The following C17orf67 variants were observed in gnomAD, a reference collection of about 807,000 sequenced individuals.
C17orf67 encodes chromosome 17 open reading frame 67.
In C17orf67, 12 loss-of-function variants were observed where a neutral mutation model predicts 11.2. The ratio of observed to expected loss-of-function variants is 1.07; its 90% confidence interval spans 0.68 to 1.73. The LOEUF (loss-of-function observed/expected upper bound fraction) is 1.73. Among genes scored for constraint, C17orf67 ranks in the 40% most tolerant of loss-of-function variants. The pLI is 0.00. For missense variants in C17orf67, 115 were observed against 113.5 expected (o/e 1.01, Z -0.06); for synonymous variants, 59 against 46.9 (o/e 1.26, Z -1.05).
At chr17:56,805,042 G>A (rs536594324) in intron 6 of C17orf67, among the ~76,000 whole-genome samples, 1 of 152,192 alleles carries the variant, frequency 6.6e-6, no homozygotes, top group Non-Finnish European at 1.5e-5. Context: ...ACTGTACGGT[G>A]CTTGGTGGTG....
chr17:56,798,684 A>T (rs201721019), intron 6 of C17orf67, among the ~76,000 whole-genome samples: 18,068 of 144,686 alleles, frequency 0.12, 1,179 homozygotes, highest in South Asian at 0.16. Flanking sequence ...AAAAAAAAAA[A>T]TAGCTAGATG....
chr17:56,801,625 G>T (rs1326030031), intron 6 of C17orf67, among the ~76,000 whole-genome samples: 1 of 152,164 alleles, frequency 6.6e-6, no homozygotes, highest in African/African-American at 2.4e-5. Flanking sequence ...CTGGCAGGGA[G>T]TCTCTGGGTC....
intron 6 of C17orf67, among the ~76,000 whole-genome samples, chr17:56,804,569 A>G (rs1178300024): frequency 6.6e-6 from 1 of 152,214 alleles, no homozygotes; most frequent in Non-Finnish European, 1.5e-5. Flanking sequence ...GAGTTACTAC[A>G]TACATTTGTC....
intron 6 of C17orf67, among the ~76,000 whole-genome samples, chr17:56,813,124 C>T (rs2144132467): frequency 6.6e-6 from 1 of 152,312 alleles, no homozygotes; most frequent in South Asian, 2.1e-4. Flanking sequence ...ACCAGCTCCC[C>T]CAGCCCCTGC....
intron 4 of C17orf67, among the ~76,000 whole-genome samples, chr17:56,820,345 G>A (rs899064586): frequency 1.6e-4 from 25 of 152,192 alleles, no homozygotes; most frequent in African/African-American, 5.8e-4. Context: ...GTTCAGGGCC[G>A]TGGTGGCTGG....
At chr17:56,830,502 T>C (rs1303961756) in intron 2 of C17orf67, among the ~76,000 whole-genome samples, 1 of 152,254 alleles carries the variant, frequency 6.6e-6, no homozygotes, top group Non-Finnish European at 1.5e-5. Flanking sequence ...GAGATGGTTT[T>C]ATTTCACTAC....
chr17:56,820,889 C>T (rs911811284), intron 4 of C17orf67, among the ~76,000 whole-genome samples: 4 of 144,882 alleles, frequency 2.8e-5, no homozygotes, highest in East Asian at 2.1e-4. Context: ...ACTATAGAAA[C>T]TTTAGAGACA....
At position 56,833,697 on chromosome 17, in the gene C17orf67, C is replaced by G. The variant is rs1598007397; in HGVS notation, c.-1081G>C. On this transcript the variant is annotated 5_prime_UTR_variant, in exon 1 of 8. Coordinates refer to ENST00000397861, the MANE Select transcript of C17orf67 (RefSeq NM_001085430.4). ...GCTTCCCAGTCGGCTTACGCATCCC[C>G]GGCGGCGGCGGCGCCGGCATCGGCT... is the stretch of plus-strand genomic sequence containing the variant. The G allele has an allele frequency of 6.6e-6, 1 of 151,784 alleles. No homozygotes were observed. Among genetic ancestry groups the G allele is most frequent in the Non-Finnish European group, 1.5e-5 (1 of 67,956 alleles). 9.4% of individuals were successfully genotyped at this position (151,784 alleles called of 1,614,324 possible).
chr17:56,804,220 G>T (rs983799692), intron 6 of C17orf67: 12 of 152,144 alleles, frequency 7.9e-5, no homozygotes, highest in African/African-American at 2.9e-4. Context: ...TATGGCTCTG[G>T]AGTGGTGTGA....
intron 2 of C17orf67, among the ~76,000 whole-genome samples, chr17:56,826,747 T>C (rs1598000697): frequency 6.6e-6 from 1 of 152,266 alleles, no homozygotes; most frequent in South Asian, 2.1e-4. Flanking sequence ...TTAATTTCAG[T>C]TGAAGCTGAC....
chr17:56,827,823 T>C (rs117834500), intron 2 of C17orf67, among the ~76,000 whole-genome samples: 2,477 of 152,312 alleles, frequency 0.016, 33 homozygotes, highest in Non-Finnish European at 0.025. Flanking sequence ...GTCAATGTAT[T>C]AGGAATGGAC....
In C17orf67 at chr17:56,815,912, C is replaced by G; in HGVS notation, c.-102G>C. The G allele has an allele frequency of 6.3e-7, 1 of 1,591,008 alleles. No homozygotes were observed. The highest frequency in any genetic ancestry group is 8.6e-7 in the Non-Finnish European group (1 of 1,166,766). Reference sequence around the variant, plus strand: ...GGCCCTGCGCTTGTTTATGCTTTGACTAACGGGACTTACGGTATGATGCTG... The same window carrying G: ...GGCCCTGCGCTTGTTTATGCTTTGAGTAACGGGACTTACGGTATGATGCTG... On this transcript the variant is annotated 5_prime_UTR_variant, in exon 5 of 8. Transcript: ENST00000397861.
intron 4 of C17orf67, 67 bp from the exon 5 acceptor site, chr17:56,816,077 A>T: frequency 2.2e-6 from 1 of 448,234 alleles, no homozygotes. Flanking sequence ...GCAACATGTG[A>T]TATTCACTTC....
chr17:56,793,125 T>C lies in C17orf67; in HGVS notation c.*21-773A>G, dbSNP rs546381924. Among the ~76,000 whole-genome samples, 25 of 152,126 alleles carry C rather than the reference T, an allele frequency of 1.6e-4. 1 individual carries two copies. The East Asian group carries it at 4.8e-3, about 29-fold the overall frequency. The stretch of plus-strand genomic sequence containing the variant: ...CATCCAGCTATCATTTTCTGAGCAC[T>C]TCCTTTGTGTGCCAGGGCAACACTA... On this transcript the variant is annotated intron_variant, in intron 7 of 7. Coordinates refer to ENST00000397861, the MANE Select transcript of C17orf67 (RefSeq NM_001085430.4).
intron 6 of C17orf67, among the ~76,000 whole-genome samples, chr17:56,806,595 G>A (rs977276577): frequency 6.6e-6 from 1 of 152,138 alleles, no homozygotes; most frequent in Admixed American, 6.5e-5. Context: ...AGCAATCATA[G>A]CTCACTTCAG....
rs1486390142 is a variant in C17orf67, at chr17:56,832,932, AATGTT to A, written c.-596_-592del. 1 of 152,212 alleles carries A rather than the reference AATGTT, an allele frequency of 6.6e-6. No individual in the cohort carries two copies. The highest frequency in any genetic ancestry group is 2.4e-5 in the African/African-American group (1 of 41,442). The allele number at this position is 152,212 out of a possible 1,614,324, so 9.4% of individuals were successfully genotyped here. A position where few individuals can be genotyped will look rare whatever the true frequency, so the allele number is the denominator to read the frequency against. On this transcript the variant is annotated 5_prime_UTR_variant, in exon 2 of 8. The change abolishes the stop of an existing upstream ORF in the 5' untranslated region. Coordinates refer to ENST00000397861, the MANE Select transcript of C17orf67 (RefSeq NM_001085430.4). The stretch of plus-strand genomic sequence containing the variant: ...TACATCTATATGTGTATTCTTAATG[AATGTT>A]ATGTCTTCTCTAATCGTTTGGAAGA...
Position 56,831,260 on chromosome 17 carries a change from C to G in C17orf67, c.-557+1638G>C, listed in dbSNP as rs146892688. ...CAGGACCTGTGCTGCTGCCAGAGAC[C>G]GAGAGACTCACTGAGGCCTGCGGGT... On this transcript the variant is annotated intron_variant, in intron 2 of 7. Coordinates refer to ENST00000397861, the MANE Select transcript of C17orf67 (RefSeq NM_001085430.4). 5.3e-5 allele frequency among the ~76,000 whole-genome samples: 8 copies of G among 152,050 alleles called. No individual in the cohort carries two copies. In the East Asian group the frequency reaches 1.5e-3, roughly 29 times the overall value.
intron 6 of C17orf67, chr17:56,803,923 T>C (rs1379518001): frequency 6.6e-6 from 1 of 152,086 alleles, no homozygotes; most frequent in Non-Finnish European, 1.5e-5. Flanking sequence ...ATTAGTCAAA[T>C]CAAAAGGCAA....
At chr17:56,810,547 C>G (rs989263208) in intron 6 of C17orf67, among the ~76,000 whole-genome samples, 7 of 152,194 alleles carry the variant, frequency 4.6e-5, no homozygotes, top group African/African-American at 1.4e-4. Context: ...TCTTCCCAAG[C>G]AAAGGGACAT....
Sources: allele counts gnomAD v4.1 joint callset (sites outside exome capture counted in the v4.1 genomes callset), GRCh38; gene constraint gnomAD v4.1.1; transcripts MANE v1.5; gene names NCBI Gene and HGNC (gene_info 2026-07-23, HGNC 2026-07-21).